ASAP1: variants seen among roughly 807,000 people sequenced by gnomAD.
ASAP1 encodes the protein arf-GAP with SH3 domain, ANK repeat and PH domain-containing protein 1.
ASAP1 carries 43 observed loss-of-function variants against 145.2 expected under a neutral mutation model. The ratio of observed to expected loss-of-function variants is 0.30; its 90% CI spans 0.23 to 0.38. ASAP1 has a LOEUF of 0.38. ASAP1 is among the 10% of genes least tolerant of loss of function. The probability of loss-of-function intolerance (pLI) is 1.00; values close to 1 mark genes in which losing one functional copy is unlikely to be tolerated. For missense variants in ASAP1, 1,018 were observed against 1,355.3 expected, an observed-to-expected ratio of 0.75 and a Z score of 3.91; for synonymous variants, 546 against 515.5, an observed-to-expected ratio of 1.06 and a Z score of -0.80.
intron 24 of ASAP1, among the ~76,000 whole-genome samples, chr8:130,111,180 C>T (rs1038769480): frequency 7.7e-6 from 1 of 129,146 alleles, no homozygotes; most frequent in Non-Finnish European, 1.6e-5. Context: ...CAAGACCAGC[C>T]TGGGCAACAT....
rs1020497524 is a variant in ASAP1, at chr8:130,068,446, G to A, written c.2702-7377C>T. 3.9e-5 allele frequency among the ~76,000 whole-genome samples: 6 copies of A among 152,238 alleles called. No individual in the cohort carries two copies. In the East Asian group the frequency reaches 5.8e-4, roughly 15 times the overall value. On this transcript the variant is annotated intron_variant, in intron 27 of 29. Coordinates refer to ENST00000518721, the MANE Select transcript of ASAP1 (RefSeq NM_018482.4). ...CTATGGAAACTAGAGGGTATAGTGC[G>A]AAAGAACTGTTTCATTCTGTAGATC...
Position 130,241,141 on chromosome 8 carries a change from T to C in ASAP1, c.187-4147A>G, listed in dbSNP as rs368397441. Among the ~76,000 whole-genome samples the C allele has an allele frequency of 2.5e-3, 381 of 152,184 alleles. 2 individuals carry two copies. The highest frequency in any genetic ancestry group is 8.9e-3 in the African/African-American group (371 of 41,526). On this transcript the variant is annotated intron_variant, in intron 3 of 29. Coordinates refer to ENST00000518721, the MANE Select transcript of ASAP1 (RefSeq NM_018482.4). ...TGCTCAGGACATTTGAACTAGTTGA[T>C]TGCTCTGCCTAGAACTCTTCCCCAA...
At chr8:130,234,347 TA>T (rs1197458342) in intron 4 of ASAP1, among the ~76,000 whole-genome samples, 1 of 152,078 alleles carries the variant, frequency 6.6e-6, no homozygotes, top group Non-Finnish European at 1.5e-5. Context: ...GCTACTCTAA[TA>T]GTACAAACCT....
intron 3 of ASAP1, among the ~76,000 whole-genome samples, chr8:130,256,739 TTA>T (rs58245112): frequency 0.011 from 1,047 of 95,622 alleles, 6 homozygotes; most frequent in African/African-American, 0.016. Context: ...ATACACATTC[TTA>T]TATATATATA....
intron 5 of ASAP1, among the ~76,000 whole-genome samples, chr8:130,193,487 TGGGCAAAGAAATAGG>T: frequency 6.6e-6 from 1 of 152,290 alleles, no homozygotes; most frequent in East Asian, 1.9e-4. Flanking sequence ...GGTTGGAAAC[TGGGCAAAGAAATAGG>T]GTGGGAGAGG....
chr8:130,395,327 C>T (rs1200994966), intron 2 of ASAP1, among the ~76,000 whole-genome samples: 1 of 152,184 alleles, frequency 6.6e-6, no homozygotes, highest in Non-Finnish European at 1.5e-5. Flanking sequence ...ATCTTAGCCA[C>T]CCCCTCATCC....
In ASAP1 at chr8:130,358,296, G is replaced by T. The variant is rs1337112240; in HGVS notation, c.60-153C>A. On this transcript the variant is annotated intron_variant, in intron 2 of 29. Coordinates refer to ENST00000518721, the MANE Select transcript of ASAP1 (RefSeq NM_018482.4). The surrounding 1 kb of genome is among the most constrained non-coding windows in gnomAD (Gnocchi z 4.1). ...CGCGGCTCCCGTCCCCGGCAGCGGC[G>T]AGAGGGAGGGAAGGAGGCGGGCGAA... 6.7e-6 allele frequency among the ~76,000 whole-genome samples: 1 copy of T among 149,974 alleles called. No individual in the cohort carries two copies. The highest frequency in any genetic ancestry group is 1.5e-5 in the Non-Finnish European group (1 of 67,238).
chr8:130,195,640 T>C (rs1254271283), intron 5 of ASAP1, among the ~76,000 whole-genome samples: 1 of 152,150 alleles, frequency 6.6e-6, no homozygotes. Context: ...TGCTAGTACA[T>C]ACATCAAGCC....
intron 13 of ASAP1, 89 bp downstream of exon 13, chr8:130,152,647 A>C (rs1186591988): frequency 4.5e-6 from 4 of 896,310 alleles, no homozygotes; most frequent in Non-Finnish European, 6.8e-6. Flanking sequence ...CAAATGCATA[A>C]ATATATTTGC....
chr8:130,118,974 A>T (rs1227943222), intron 18 of ASAP1, among the ~76,000 whole-genome samples: 1 of 152,234 alleles, frequency 6.6e-6, no homozygotes, highest in East Asian at 1.9e-4. Context: ...TAAATACTTC[A>T]AACTCTGATA....
At chr8:130,156,306 G>A (rs1356388910) in intron 12 of ASAP1, among the ~76,000 whole-genome samples, 1 of 152,178 alleles carries the variant, frequency 6.6e-6, no homozygotes. Context: ...GAAGTCACAA[G>A]CAACTCCAGG....
intron 4 of ASAP1, among the ~76,000 whole-genome samples, chr8:130,232,857 C>G (rs192515743): frequency 6.6e-6 from 1 of 151,974 alleles, no homozygotes; most frequent in South Asian, 2.1e-4. Flanking sequence ...TGTGAGAAAA[C>G]AAGAAAATTA....
Position 130,160,767 on chromosome 8 carries a change from TA to T in ASAP1, c.910-804del, listed in dbSNP as rs1255073834. 4.7e-6 allele frequency: 6 copies of T among 1,275,312 alleles called. No homozygotes were observed. The East Asian group carries it at 3.4e-4, about 72-fold the overall frequency. The allele number at this position is 1,275,312 out of a possible 1,614,324, so 79.0% of individuals were successfully genotyped here. On this transcript the variant is annotated intron_variant, in intron 11 of 29. Transcript: ENST00000518721. ...ATACAAGTAGGACAATATATTCTCA[TA>T]AAAAGTATTGACTTACTCTCCTAGA...
At chr8:130,401,736 A>C (rs1828805164) in intron 2 of ASAP1, 149 bp downstream of exon 2, 1 of 671,452 alleles carries the variant, frequency 1.5e-6, no homozygotes, top group East Asian at 2.7e-5. Context: ...AATGCTAGAG[A>C]TCTGTTCTCC....
intron 3 of ASAP1, among the ~76,000 whole-genome samples, chr8:130,246,651 C>A (rs542548171): frequency 6.6e-6 from 1 of 152,142 alleles, no homozygotes; most frequent in Admixed American, 6.6e-5. Flanking sequence ...GTCAATTAAA[C>A]GTCTTTTCTT....
intron 3 of ASAP1, among the ~76,000 whole-genome samples, chr8:130,249,586 C>T (rs1565134920): frequency 6.6e-6 from 1 of 152,262 alleles, no homozygotes; most frequent in South Asian, 2.1e-4. Context: ...CCCCCCTTCC[C>T]CAATTAAGAA....
At chr8:130,293,756 G>T (rs1822087340) in intron 3 of ASAP1, among the ~76,000 whole-genome samples, 1 of 152,174 alleles carries the variant, frequency 6.6e-6, no homozygotes, top group African/African-American at 2.4e-5. Context: ...TGTTTCTTGT[G>T]TGAAGGACCC....
chr8:130,072,790 G>GGTGTGTGTGTGTGTGT lies in ASAP1; in HGVS notation c.2701+3557_2701+3558insACACACACACACACAC, dbSNP rs142924621. Among the ~76,000 whole-genome samples the GGTGTGTGTGTGTGTGT allele has an allele frequency of 7.6e-3, 499 of 65,984 alleles. 77 individuals are homozygous for GGTGTGTGTGTGTGTGT. The highest frequency in any genetic ancestry group is 0.012 in the African/African-American group (197 of 16,086). 43.3% of individuals were successfully genotyped at this position (65,984 alleles called of 152,430 possible). A position where few individuals can be genotyped will look rare whatever the true frequency, so the allele number is the denominator to read the frequency against. On this transcript the variant is annotated intron_variant, in intron 27 of 29. Coordinates refer to ENST00000518721, the MANE Select transcript of ASAP1 (RefSeq NM_018482.4). ...GTTCTGAAGGCCTGGACTTGCAATT[G>GGTGTGTGTGTGTGTGT]ATATGTGTGTGTGTGTGTGTGTGTG... is the stretch of plus-strand genomic sequence containing the variant.
At chr8:130,285,645 TGAAAGCTCTGG>T (rs1821563274) in intron 3 of ASAP1, among the ~76,000 whole-genome samples, 1 of 152,220 alleles carries the variant, frequency 6.6e-6, no homozygotes, top group Admixed American at 6.5e-5. Flanking sequence ...TTTGTTTTTC[TGAAAGCTCTGG>T]GAAAGCATCC....
Sources: gnomAD v4.1 joint callset for allele counts (sites outside exome capture counted in the v4.1 genomes callset) on GRCh38, gnomAD v4.1.1 for gene constraint, Gnocchi (gnomAD v3.1) non-coding constraint, MANE v1.5 for transcripts, NCBI Gene and HGNC (gene_info 2026-07-23, HGNC 2026-07-21) for gene names.